ALK: variants seen among roughly 807,000 people sequenced by gnomAD.
ALK encodes ALK tyrosine kinase receptor.
ALK carries 74 observed loss-of-function variants against 163.1 expected under a neutral mutation model. The observed-to-expected ratio is 0.45, with a 90% CI of 0.38 to 0.55. The LOEUF (loss-of-function observed/expected upper bound fraction) is 0.55, where lower values mean the gene tolerates loss of function less well. Among genes scored for constraint, ALK ranks in the 20% least tolerant of loss-of-function variants. The probability of loss-of-function intolerance (pLI) is 0.00; values close to 1 mark genes in which losing one functional copy is unlikely to be tolerated. For missense variants in ALK, 2,063 were observed against 2,105.3 expected, an observed-to-expected ratio of 0.98 and a Z score of 0.39; for synonymous variants, 960 against 843.2, an observed-to-expected ratio of 1.14 and a Z score of -2.40.
At chr2:29,484,160 G>A (rs1018475053) in intron 4 of ALK, among the ~76,000 whole-genome samples, 5 of 152,062 alleles carry the variant, frequency 3.3e-5, no homozygotes, top group African/African-American at 9.7e-5. Flanking sequence ...TACAATTCAC[G>A]ATGAGATTTG....
rs186653859 is a variant in ALK, at chr2:29,693,870, C to A, written c.952+980G>T. Reference sequence around the variant, plus strand: ...ATGTACATTCTGTGTGATCTTGGGGCAGTCACTCCCCCGCTCTGAGCACTA... The same window carrying A: ...ATGTACATTCTGTGTGATCTTGGGGAAGTCACTCCCCCGCTCTGAGCACTA... On this transcript the variant is annotated intron_variant, in intron 3 of 28. Transcript: ENST00000389048. Among the ~76,000 whole-genome samples, 11 of 152,310 alleles carry A rather than the reference C, an allele frequency of 7.2e-5. No individual in the cohort carries two copies. In the East Asian group the frequency reaches 1.9e-3, roughly 27 times the overall value.
chr2:29,863,703 G>A (rs1178930492), intron 1 of ALK, among the ~76,000 whole-genome samples: 1 of 152,126 alleles, frequency 6.6e-6, no homozygotes, highest in Non-Finnish European at 1.5e-5. Context: ...AGCCATTTAT[G>A]GAAATTAGTA....
chr2:29,674,482 G>A (rs1442033723), intron 3 of ALK, among the ~76,000 whole-genome samples: 1 of 149,122 alleles, frequency 6.7e-6, no homozygotes, highest in African/African-American at 2.5e-5. Flanking sequence ...TACATTTATT[G>A]ATTTGCGTAT....
At chr2:29,759,724 C>T (rs117486914) in intron 1 of ALK, among the ~76,000 whole-genome samples, 39 of 152,270 alleles carry the variant, frequency 2.6e-4, no homozygotes, top group Middle Eastern at 6.8e-3. Flanking sequence ...TTGTAGCCAG[C>T]GAAACCCAGT....
At chr2:29,523,069 G>A (rs958369975) in intron 4 of ALK, among the ~76,000 whole-genome samples, 15 of 152,044 alleles carry the variant, frequency 9.9e-5, no homozygotes, top group African/African-American at 3.6e-4. Context: ...TAAGCCAGTG[G>A]CCACAAACAC....
chr2:29,252,910 G>A (rs1410408366), intron 11 of ALK, among the ~76,000 whole-genome samples: 3 of 151,306 alleles, frequency 2.0e-5, no homozygotes, highest in Non-Finnish European at 4.4e-5. Context: ...CTGCAGCCTC[G>A]AATTTCTGGG....
Position 29,920,608 on chromosome 2 carries a change from C to G in ALK, c.52G>C (p.Ala18Pro), listed in dbSNP as rs1203105916. 3.9e-6 allele frequency: 6 copies of G among 1,554,964 alleles called. No homozygotes were observed. Among genetic ancestry groups the G allele is most frequent in the African/African-American group, 1.4e-5 (1 of 73,868 alleles). Residue 18 changes from alanine (A) to proline (P), a missense_variant, in exon 1 of 29, where the codon GCT becomes CCT. Coordinates refer to ENST00000389048, the MANE Select transcript of ALK (RefSeq NM_004304.5). Reference sequence around the variant, plus strand: ...CCGGTCCCCATCCCGGAGCCCACAGCTGCCGTGGAAAGCAGCAGCGGCAGG... The same window carrying G: ...CCGGTCCCCATCCCGGAGCCCACAGGTGCCGTGGAAAGCAGCAGCGGCAGG... Reference protein sequence around the residue: ...WLLPLLLSTAAVGSGMGTGQR... With the variant: ...WLLPLLLSTAPVGSGMGTGQR...
intron 3 of ALK, among the ~76,000 whole-genome samples, chr2:29,578,274 G>T (rs1032797806): frequency 6.6e-6 from 1 of 152,146 alleles, no homozygotes; most frequent in East Asian, 1.9e-4. Context: ...TAATTGTGAG[G>T]CCTCCCCAGC....
chr2:29,418,964 G>T (rs1031923052), intron 4 of ALK, among the ~76,000 whole-genome samples: 2 of 151,518 alleles, frequency 1.3e-5, no homozygotes, highest in Non-Finnish European at 2.9e-5. Flanking sequence ...AAGTGAGAGG[G>T]TATGGTAGAA....
At chr2:29,909,476 C>CAGAGAGAGAG (rs1313074824) in intron 1 of ALK, among the ~76,000 whole-genome samples, 1 of 96,708 alleles carries the variant, frequency 1.0e-5, no homozygotes, top group Non-Finnish European at 2.2e-5. Context: ...GAGAGACAGA[C>CAGAGAGAGAG]AGACAGAGAG....
intron 3 of ALK, among the ~76,000 whole-genome samples, chr2:29,675,021 T>A (rs935999321): frequency 6.6e-6 from 1 of 151,486 alleles, no homozygotes; most frequent in Non-Finnish European, 1.5e-5. Flanking sequence ...GGTGGTGATA[T>A]CCCCTTTATC....
At position 29,895,159 on chromosome 2, in the gene ALK, G is replaced by C. The variant is rs1366738358; in HGVS notation, c.667+24834C>G. Among the ~76,000 whole-genome samples the C allele has an allele frequency of 2.0e-5, 3 of 152,130 alleles. No individual in the cohort carries two copies. In the East Asian group the frequency reaches 5.8e-4, roughly 29 times the overall value. On this transcript the variant is annotated intron_variant, in intron 1 of 28. Transcript: ENST00000389048. ...ATAAGGCAGGATTTGGATTTGGCAAGTTACACACAAGGGCCGCTGGTTGAT... is the reference window on the plus strand; with the variant it reads ...ATAAGGCAGGATTTGGATTTGGCAACTTACACACAAGGGCCGCTGGTTGAT...
chr2:29,319,767 C>T lies in ALK; in HGVS notation c.1546+984G>A, dbSNP rs1222039627. 2.0e-5 allele frequency among the ~76,000 whole-genome samples: 3 copies of T among 152,368 alleles called. No individual in the cohort carries two copies. In the East Asian group the frequency reaches 5.8e-4, roughly 29 times the overall value. On this transcript the variant is annotated intron_variant, in intron 7 of 28. Transcript: ENST00000389048. ...ACTGGGAACAGAGACATGAAGGGCA[C>T]ATCCAGCTTGGAACTCCATTTCTCT...
chr2:29,456,573 T>C (rs961926375), intron 4 of ALK, among the ~76,000 whole-genome samples: 1 of 152,134 alleles, frequency 6.6e-6, no homozygotes, highest in Admixed American at 6.5e-5. Context: ...AATGAGGACT[T>C]ATTGCTCAAC....
intron 3 of ALK, among the ~76,000 whole-genome samples, chr2:29,575,449 C>T (rs1674497813): frequency 6.6e-6 from 1 of 152,132 alleles, no homozygotes; most frequent in Non-Finnish European, 1.5e-5. Flanking sequence ...TCCCTCATCC[C>T]CACCTGACCC....
At chr2:29,744,803 G>T (rs1680165214) in intron 1 of ALK, among the ~76,000 whole-genome samples, 1 of 152,034 alleles carries the variant, frequency 6.6e-6, no homozygotes, top group Non-Finnish European at 1.5e-5. Flanking sequence ...ACGGTTTCAA[G>T]ATGGGGGGTA....
rs111681418 is a variant in ALK, at chr2:29,872,465, G to C, written c.667+47528C>G. Among the ~76,000 whole-genome samples, 556 of 152,306 alleles carry C rather than the reference G, an allele frequency of 3.7e-3. 5 individuals carry two copies. The highest frequency in any genetic ancestry group is 0.013 in the African/African-American group (526 of 41,550). ...GCATTTAATACAACATCATAGGTTAGCCTAGGCTACCTTAAATGTGCTCAG... is the reference window on the plus strand; with the variant it reads ...GCATTTAATACAACATCATAGGTTACCCTAGGCTACCTTAAATGTGCTCAG... On this transcript the variant is annotated intron_variant, in intron 1 of 28. Transcript: ENST00000389048.
At position 29,723,126 on chromosome 2, in the gene ALK, G is replaced by A. The variant is rs1318952235; in HGVS notation, c.668-5429C>T. ...AATAGCTTTCAAATTTCTTGCCATA[G>A]CCTAGCCCCTAAAGGCCCCACAGGA... On this transcript the variant is annotated intron_variant, in intron 1 of 28. Coordinates refer to ENST00000389048, the MANE Select transcript of ALK (RefSeq NM_004304.5). 2.0e-5 allele frequency among the ~76,000 whole-genome samples: 3 copies of A among 152,112 alleles called. No individual in the cohort carries two copies. In the East Asian group the frequency reaches 5.8e-4, roughly 29 times the overall value.
chr2:29,576,521 G>C (rs924625922), intron 3 of ALK, among the ~76,000 whole-genome samples: 1 of 152,186 alleles, frequency 6.6e-6, no homozygotes, highest in African/African-American at 2.4e-5. Flanking sequence ...TGTTCAGCTC[G>C]GTTCTCTGCC....
Sources: gnomAD v4.1 joint callset for allele counts (sites outside exome capture counted in the v4.1 genomes callset) on GRCh38, gnomAD v4.1.1 for gene constraint, MANE v1.5 for transcripts, NCBI Gene and HGNC (gene_info 2026-07-23, HGNC 2026-07-21) for gene names.